The following PALLD variants were observed in gnomAD, a reference collection of about 807,000 sequenced individuals.
PALLD encodes the protein palladin.
Under a neutral mutation model 123.5 loss-of-function variants are expected in PALLD, and 61 were observed. The observed-to-expected ratio is 0.49, with a 90% confidence interval of 0.40 to 0.61. The LOEUF is 0.61. Ranked by LOEUF, PALLD falls within the 20% of genes least tolerant of loss-of-function variation. The pLI is 0.00. For missense variants in PALLD, 1,273 were observed against 1,377.0 expected (o/e 0.92, Z 1.20); for synonymous variants, 465 against 496.4 (o/e 0.94, Z 0.84).
At chr4:168,878,576 C>A (rs1197974196) in intron 10 of PALLD, among the ~76,000 whole-genome samples, 1 of 151,926 alleles carries the variant, frequency 6.6e-6, no homozygotes, top group Non-Finnish European at 1.5e-5. Flanking sequence ...GTGATTCTTG[C>A]GTAGCCACTT....
intron 2 of PALLD, among the ~76,000 whole-genome samples, chr4:168,643,313 T>G (rs1248017137): frequency 6.6e-6 from 1 of 151,746 alleles, no homozygotes; most frequent in Non-Finnish European, 1.5e-5. Flanking sequence ...CAATCTGGAG[T>G]TTTTCTTTCT....
intron 3 of PALLD, among the ~76,000 whole-genome samples, chr4:168,678,512 T>C (rs1440895502): frequency 6.6e-6 from 1 of 152,118 alleles, no homozygotes; most frequent in Non-Finnish European, 1.5e-5. Flanking sequence ...GAAGATAGCG[T>C]ATCAAGAAAA....
chr4:168,783,617 C>T (rs1315786297), intron 10 of PALLD, among the ~76,000 whole-genome samples: 1 of 152,086 alleles, frequency 6.6e-6, no homozygotes, highest in African/African-American at 2.4e-5. Flanking sequence ...CCATAAGATA[C>T]GGAGAGTAAC....
chr4:168,567,512 C>T (rs546199553), intron 2 of PALLD, among the ~76,000 whole-genome samples: 70 of 149,886 alleles, frequency 4.7e-4, no homozygotes, highest in African/African-American at 1.6e-3. Flanking sequence ...GTCCAATGTC[C>T]ATCAATGGTT....
intron 2 of PALLD, among the ~76,000 whole-genome samples, chr4:168,562,022 C>T (rs143985954): frequency 3.6e-4 from 54 of 151,726 alleles, no homozygotes; most frequent in African/African-American, 1.2e-3. Context: ...ATTCTCATAA[C>T]AGCTGGATTA....
intron 10 of PALLD, among the ~76,000 whole-genome samples, chr4:168,741,249 CTTAT>C (rs533543543): frequency 2.8e-4 from 42 of 152,098 alleles, no homozygotes; most frequent in Non-Finnish European, 5.6e-4. Flanking sequence ...AGAAACTATT[CTTAT>C]TTGTCTTCAT....
chr4:168,623,174 G>A (rs768664908), intron 2 of PALLD, among the ~76,000 whole-genome samples: 3 of 152,144 alleles, frequency 2.0e-5, no homozygotes, highest in Admixed American at 6.5e-5. Context: ...TCTGCCATCT[G>A]TTTATTGGGG....
intron 2 of PALLD, chr4:168,631,625 G>C: frequency 1.0e-6 from 1 of 985,576 alleles, no homozygotes. Flanking sequence ...GCATTCGCGC[G>C]CTGGAGACCG....
chr4:168,921,426 A>AT, intron 17 of PALLD, 108 bp from the exon 18 acceptor site: 2 of 648,456 alleles, frequency 3.1e-6, no homozygotes, highest in Non-Finnish European at 5.2e-6. Flanking sequence ...AAAAAAAAAA[A>AT]GCCACCTCTT....
intron 2 of PALLD, among the ~76,000 whole-genome samples, chr4:168,575,336 G>A (rs1000053651): frequency 4.2e-4 from 64 of 152,134 alleles, no homozygotes; most frequent in African/African-American, 1.4e-3. Context: ...CATGGTGGAG[G>A]GGAAGCAGGC....
intron 10 of PALLD, among the ~76,000 whole-genome samples, chr4:168,847,152 A>T (rs953800290): frequency 1.3e-5 from 2 of 152,202 alleles, no homozygotes; most frequent in African/African-American, 4.8e-5. Flanking sequence ...AGGGCAATTT[A>T]TACCCATTAA....
At chr4:168,599,630 G>C (rs139493746) in intron 2 of PALLD, among the ~76,000 whole-genome samples, 7 of 152,258 alleles carry the variant, frequency 4.6e-5, no homozygotes, top group African/African-American at 1.7e-4. Context: ...GCCAGGCATG[G>C]TGACACACAC....
chr4:168,533,058 C>G (rs529641573), intron 2 of PALLD, among the ~76,000 whole-genome samples: 63 of 152,150 alleles, frequency 4.1e-4, no homozygotes, highest in South Asian at 8.3e-4. Flanking sequence ...GCACTAAAAC[C>G]CTCGAGGACA....
rs1049379788 is a variant in PALLD, at chr4:168,832,311, G to A, written c.1965-58611G>A. On this transcript the variant is annotated intron_variant, in intron 10 of 21. Coordinates refer to ENST00000505667, the MANE Select transcript of PALLD (RefSeq NM_001166108.2). ...CGGGGAGGACAAGAGACTCGTCAGCGCACTTTCCACCCGGCCGGTTCCTTC... is the reference window on the plus strand; with the variant it reads ...CGGGGAGGACAAGAGACTCGTCAGCACACTTTCCACCCGGCCGGTTCCTTC... The A allele has an allele frequency of 1.9e-4, 109 of 582,268 alleles. No individual in the cohort carries two copies. In the African/African-American group the frequency reaches 2.1e-3, roughly 11 times the overall value. 36.1% of individuals were successfully genotyped at this position (582,268 alleles called of 1,614,324 possible). A position where few individuals can be genotyped will look rare whatever the true frequency, so the allele number is the denominator to read the frequency against.
intron 6 of PALLD, among the ~76,000 whole-genome samples, chr4:168,690,100 A>G (rs1357019149): frequency 6.6e-6 from 1 of 152,232 alleles, no homozygotes; most frequent in Admixed American, 6.5e-5. Context: ...CCCTTAGCTT[A>G]ATAAACTTGA....
chr4:168,720,345 T>C (rs558837233), intron 10 of PALLD, among the ~76,000 whole-genome samples: 2 of 152,360 alleles, frequency 1.3e-5, no homozygotes, highest in South Asian at 4.1e-4. Flanking sequence ...GAAGATTTAA[T>C]ATGCACCAGC....
At chr4:168,730,703 T>C (rs62333922) in intron 10 of PALLD, among the ~76,000 whole-genome samples, 8,885 of 152,066 alleles carry the variant, frequency 0.058, 322 homozygotes, top group South Asian at 0.092. Context: ...GAAAGACAGA[T>C]ATTCAGCCAC....
At chr4:168,758,943 G>A (rs1732281739) in intron 10 of PALLD, among the ~76,000 whole-genome samples, 1 of 151,658 alleles carries the variant, frequency 6.6e-6, no homozygotes. Flanking sequence ...GGGAGGCCAA[G>A]GCGGATGGAT....
At chr4:168,604,751 G>A (rs1377558913) in intron 2 of PALLD, among the ~76,000 whole-genome samples, 1 of 152,204 alleles carries the variant, frequency 6.6e-6, no homozygotes, top group Non-Finnish European at 1.5e-5. Context: ...AATGCCACTG[G>A]TGGTGACTCA....
Sources: gnomAD v4.1 joint callset for allele counts (sites outside exome capture counted in the v4.1 genomes callset) on GRCh38, gnomAD v4.1.1 for gene constraint, MANE v1.5 for transcripts, NCBI Gene and HGNC (gene_info 2026-07-23, HGNC 2026-07-21) for gene names.